Variants in SNAPC1 observed in about 807,000 individuals in gnomAD.
SNAPC1 encodes the protein snRNA-activating protein complex subunit 1.
In SNAPC1, 42 loss-of-function variants were observed where a neutral mutation model predicts 50.1. The observed-to-expected ratio is 0.84, with a 90% CI of 0.65 to 1.08. SNAPC1 has a LOEUF of 1.08. Among genes scored for constraint, SNAPC1 ranks in the 50% least tolerant of loss-of-function variants. SNAPC1 has a pLI of 0.00. For missense variants in SNAPC1, 477 were observed against 427.3 expected, an observed-to-expected ratio of 1.12 and a Z score of -1.02; for synonymous variants, 164 against 144.2, an observed-to-expected ratio of 1.14 and a Z score of -0.98.
intron 8 of SNAPC1, 55 bp from the exon 9 acceptor site, chr14:61,792,752 C>T: frequency 3.0e-6 from 3 of 1,008,204 alleles, no homozygotes. Context: ...AATGTTTTCT[C>T]AAAGATTATA....
At chr14:61,794,600 G>A (rs2045175314) in intron 9 of SNAPC1, among the ~76,000 whole-genome samples, 1 of 152,044 alleles carries the variant, frequency 6.6e-6, no homozygotes, top group African/African-American at 2.4e-5. Context: ...AGTAGAGATG[G>A]GGTTTCACCA....
intron 4 of SNAPC1, among the ~76,000 whole-genome samples, chr14:61,770,902 C>T (rs145820526): frequency 7.2e-5 from 11 of 152,136 alleles, no homozygotes; most frequent in Middle Eastern, 3.4e-3. Context: ...CCACCACACT[C>T]GGCTAATTTT....
chr14:61,784,385 G>C (rs1400107230), intron 8 of SNAPC1, among the ~76,000 whole-genome samples: 2 of 152,048 alleles, frequency 1.3e-5, no homozygotes, highest in South Asian at 2.1e-4. Context: ...ACATCAATAG[G>C]TTAAAGGGGA....
intron 4 of SNAPC1, among the ~76,000 whole-genome samples, chr14:61,774,399 A>G (rs2045018300): frequency 6.6e-6 from 1 of 152,148 alleles, no homozygotes; most frequent in South Asian, 2.1e-4. Flanking sequence ...ATTTTGTACA[A>G]ATGCGAAACA....
chr14:61,784,755 A>G (rs1256607386), intron 8 of SNAPC1, among the ~76,000 whole-genome samples: 1 of 152,212 alleles, frequency 6.6e-6, no homozygotes, highest in Non-Finnish European at 1.5e-5. Context: ...GTGTGTGTGC[A>G]CTTGTGTATT....
chr14:61,791,050 G>A lies in SNAPC1; in HGVS notation c.977-1757G>A, dbSNP rs113697492. Among the ~76,000 whole-genome samples, 1,301 of 151,962 alleles carry A rather than the reference G, an allele frequency of 8.6e-3. 7 individuals are homozygous for A. The highest frequency in any genetic ancestry group is 0.031 in the Middle Eastern group (9 of 294). Reference sequence around the variant, plus strand: ...TCCCGAGATGGAGTCTTGCTCTGTCGCCCAGAGCTGGAGTGCAGTGGCGCG... The same window carrying A: ...TCCCGAGATGGAGTCTTGCTCTGTCACCCAGAGCTGGAGTGCAGTGGCGCG... On this transcript the variant is annotated intron_variant, in intron 8 of 9. Transcript: ENST00000216294.
intron 7 of SNAPC1, among the ~76,000 whole-genome samples, chr14:61,779,921 C>G (rs1167491749): frequency 6.6e-6 from 1 of 152,096 alleles, no homozygotes; most frequent in Non-Finnish European, 1.5e-5. Flanking sequence ...GTTCACCAGG[C>G]TGGTCTTGAA....
intron 4 of SNAPC1, among the ~76,000 whole-genome samples, chr14:61,769,267 A>G (rs1467262832): frequency 6.6e-6 from 1 of 151,650 alleles, no homozygotes; most frequent in Non-Finnish European, 1.5e-5. Context: ...CTGAGGCTGG[A>G]GAATCACAAA....
chr14:61,767,441 A>G (rs10145554), intron 3 of SNAPC1, 89 bp downstream of exon 3: 230,225 of 788,980 alleles, frequency 0.29, 36,743 homozygotes, highest in African/African-American at 0.46. Flanking sequence ...AAAATGGAAT[A>G]AGTATTGATA....
intron 8 of SNAPC1, 111 bp downstream of exon 8, chr14:61,782,508 A>AT (rs2045083281): frequency 1.4e-6 from 1 of 728,936 alleles, no homozygotes; most frequent in Non-Finnish European, 2.2e-6. Context: ...GTTTGAGAAC[A>AT]TTTTTGTGAG....
chr14:61,774,727 G>C (rs1320225683), intron 4 of SNAPC1, among the ~76,000 whole-genome samples: 1 of 144,948 alleles, frequency 6.9e-6, no homozygotes, highest in African/African-American at 2.6e-5. Context: ...GCAATGGTGC[G>C]ATCCTGGCTT....
In SNAPC1 at chr14:61,778,960, T is replaced by G; in HGVS notation, c.825+50T>G. ...TTTGGAAATTGACTGCTTTTTAAAT[T>G]ATATTTCAATTTTTCATCAAAGTAG... On this transcript the variant is annotated intron_variant, in intron 7 of 9. Coordinates refer to ENST00000216294, the MANE Select transcript of SNAPC1 (RefSeq NM_003082.4). 4 of 1,028,062 alleles carry G rather than the reference T, an allele frequency of 3.9e-6. No individual in the cohort carries two copies. In the East Asian group the frequency reaches 9.8e-5, roughly 25 times the overall value. 63.7% of individuals were successfully genotyped at this position (1,028,062 alleles called of 1,614,324 possible).
rs181750376 is a variant in SNAPC1 at position 61,777,975 on chromosome 14, A to C, written c.694-97A>C. On this transcript the variant is annotated intron_variant, in intron 5 of 9. Transcript: ENST00000216294. ...ATGATCTTTTAGTTTTTCATTTATT[A>C]AAAATGATTTCTCACCATTCTAAAA... The C allele has an allele frequency of 2.2e-5, 13 of 581,162 alleles. No homozygotes were observed. In the East Asian group the frequency reaches 4.2e-4, roughly 19 times the overall value. The allele number at this position is 581,162 out of a possible 1,614,324, so 36.0% of individuals were successfully genotyped here.
At position 61,766,912 on chromosome 14, in the gene SNAPC1, A is replaced by C; in HGVS notation, c.165A>C (p.Thr55=). The change falls in exon 2 of 10, where the codon ACA becomes ACC. Residue 55 remains threonine, a synonymous_variant. Coordinates refer to ENST00000216294, the MANE Select transcript of SNAPC1 (RefSeq NM_003082.4). ...GAAATTTAGAAAAGAACATGTTTAC[A>C]AAAGAAGCTTTAGCTTTGGCTTGGC... The part of the protein sequence containing the change: ...RMRNLEKNMF[T]KEALALAWRY... 1 of 1,611,074 alleles carries C rather than the reference A, an allele frequency of 6.2e-7. No homozygotes were observed. The highest frequency in any genetic ancestry group is 1.7e-4 in the Middle Eastern group (1 of 6,052).
chr14:61,777,285 A>G (rs1285991604), intron 5 of SNAPC1, among the ~76,000 whole-genome samples: 1 of 152,260 alleles, frequency 6.6e-6, no homozygotes, highest in African/African-American at 2.4e-5. Context: ...TTAATGAGAG[A>G]TAGCAAGTTC....
In SNAPC1 at chr14:61,785,818, A is replaced by G. The variant is rs147175093; in HGVS notation, c.976+3421A>G. On this transcript the variant is annotated intron_variant, in intron 8 of 9. Coordinates refer to ENST00000216294, the MANE Select transcript of SNAPC1 (RefSeq NM_003082.4). ...ATGAATCTGCATTTTCACATAAGCAATAGGGGAGAGGAAGCAATCAGATAT... is the reference window on the plus strand; with the variant it reads ...ATGAATCTGCATTTTCACATAAGCAGTAGGGGAGAGGAAGCAATCAGATAT... Among the ~76,000 whole-genome samples, 383 of 152,320 alleles carry G rather than the reference A, an allele frequency of 2.5e-3. 1 individual carries two copies. Among genetic ancestry groups the G allele is most frequent in the African/African-American group, 8.3e-3 (346 of 41,564 alleles).
chr14:61,790,999 A>G (rs957700925), intron 8 of SNAPC1, among the ~76,000 whole-genome samples: 2 of 152,098 alleles, frequency 1.3e-5, no homozygotes, highest in East Asian at 1.9e-4. Context: ...AATGATTACA[A>G]TGTTGAAATT....
chr14:61,767,557 G>A (rs1160415636), intron 3 of SNAPC1, among the ~76,000 whole-genome samples: 1 of 151,754 alleles, frequency 6.6e-6, no homozygotes, highest in Non-Finnish European at 1.5e-5. Flanking sequence ...TCCGCCTCCC[G>A]GGTTCGAGGG....
chr14:61,789,217 C>G, intron 8 of SNAPC1, among the ~76,000 whole-genome samples: 1 of 122,646 alleles, frequency 8.2e-6, no homozygotes, highest in East Asian at 2.4e-4. Flanking sequence ...GGTGACAGAG[C>G]AAGACTCCAT....
Sources: gnomAD v4.1 joint callset for allele counts (sites outside exome capture counted in the v4.1 genomes callset) on GRCh38, gnomAD v4.1.1 for gene constraint, MANE v1.5 for transcripts, NCBI Gene and HGNC (gene_info 2026-07-23, HGNC 2026-07-21) for gene names.